Variants in FBXO8 observed in about 807,000 individuals in gnomAD.
The protein encoded by FBXO8 is F-box only protein 8.
In FBXO8, 15 loss-of-function variants were observed where a neutral mutation model predicts 33.4. The ratio of observed to expected loss-of-function variants is 0.45; its 90% CI spans 0.30 to 0.69. FBXO8 has a LOEUF of 0.69. Among genes scored for constraint, FBXO8 ranks in the 30% least tolerant of loss-of-function variants. The probability of loss-of-function intolerance (pLI) is 0.08; values close to 1 mark genes in which losing one functional copy is unlikely to be tolerated. For synonymous variants in FBXO8, 132 were observed against 131.5 expected (o/e 1.00, Z -0.02); for missense variants, 274 against 380.3 (o/e 0.72, Z 2.32).
rs1736553913 is a variant in FBXO8 at position 174,261,261 on chromosome 4, C to T, written c.330-1436G>A. On this transcript the variant is annotated intron_variant, in intron 2 of 5. Coordinates refer to ENST00000393674, the MANE Select transcript of FBXO8 (RefSeq NM_012180.3). This position sits in a 1 kb window ranked among gnomAD's most constrained non-coding sequence, Gnocchi z 4.1. ...CAACATCAATGAGTATTCAATACAT[C>T]CAAAGTTGAAATTAAAACTAAGCCA... is the stretch of plus-strand genomic sequence containing the variant. Among the ~76,000 whole-genome samples, 1 of 151,708 alleles carries T rather than the reference C, an allele frequency of 6.6e-6. No homozygotes were observed. Among genetic ancestry groups the T allele is most frequent in the Non-Finnish European group, 1.5e-5 (1 of 67,808 alleles).
intron 3 of FBXO8, among the ~76,000 whole-genome samples, chr4:174,244,356 T>C (rs1736112098): frequency 6.6e-6 from 1 of 151,740 alleles, no homozygotes; most frequent in African/African-American, 2.4e-5. Context: ...GGAATGCTTG[T>C]AACTTTAGTT....
In FBXO8 at chr4:174,281,233, G is replaced by C. The variant is rs991748965; in HGVS notation, c.-9+2177C>G. Among the ~76,000 whole-genome samples the C allele has an allele frequency of 7.9e-5, 12 of 151,878 alleles. No individual in the cohort carries two copies. The highest frequency in any genetic ancestry group is 2.9e-4 in the African/African-American group (12 of 41,302). ...CTTCCACAAATCACTACTCCATATA[G>C]AGTCTCTCCAAGCTTGGCTTACTTG... On this transcript the variant is annotated intron_variant, in intron 1 of 5. Transcript: ENST00000393674. This position sits in a 1 kb window ranked among gnomAD's most constrained non-coding sequence, Gnocchi z 4.6.
Position 174,262,928 on chromosome 4 carries a change from A to G in FBXO8, c.165T>C (p.His55=), listed in dbSNP as rs140770819. 1.1e-4 allele frequency: 172 copies of G among 1,614,044 alleles called. No individual in the cohort carries two copies. In the African/African-American group the frequency reaches 1.9e-3, roughly 18 times the overall value. The part of the protein sequence containing the change: ...KQVQGGIDIY[H]LLKARKSKEQ... ...CTTTCGATTTCCTTGCCTTCAAAAG[A>G]TGATATATGTCAATGCCTCCTTGGA... The change falls in exon 2 of 6, where the codon CAT becomes CAC. Residue 55 remains histidine (H), a synonymous_variant. Transcript: ENST00000393674. This position sits in a 1 kb window ranked among gnomAD's most constrained non-coding sequence, Gnocchi z 4.6.
chr4:174,254,237 T>C lies in FBXO8; in HGVS notation c.456+5462A>G, dbSNP rs562621202. On this transcript the variant is annotated intron_variant, in intron 3 of 5. Transcript: ENST00000393674. The surrounding 1 kb of genome is among the most constrained non-coding windows in gnomAD (Gnocchi z 4.2). The stretch of plus-strand genomic sequence containing the variant: ...CAAGAATTAGAATTTCGAGTTTATC[T>C]TTCTCTTTCTTTATGCTATCTGGCA... Among the ~76,000 whole-genome samples the C allele has an allele frequency of 2.6e-5, 4 of 152,332 alleles. No individual in the cohort carries two copies. Among genetic ancestry groups the C allele is most frequent in the Admixed American group, 6.5e-5 (1 of 15,302 alleles).
chr4:174,250,020 A>G (rs1736251622), intron 3 of FBXO8, among the ~76,000 whole-genome samples: 1 of 151,984 alleles, frequency 6.6e-6, no homozygotes, highest in African/African-American at 2.4e-5. Context: ...GGTTCTTGGT[A>G]TTTTAAGTTG....
In FBXO8 at chr4:174,283,598, G is replaced by C; in HGVS notation, c.-197C>G. 3.2e-6 allele frequency: 1 copy of C among 310,384 alleles called. No individual in the cohort carries two copies. Among genetic ancestry groups the C allele is most frequent in the South Asian group, 1.6e-4 (1 of 6,258 alleles). The allele number at this position is 310,384 out of a possible 1,614,324, so 19.2% of individuals were successfully genotyped here. On this transcript the variant is annotated 5_prime_UTR_variant, in exon 1 of 6. Transcript: ENST00000393674. The surrounding 1 kb of genome is among the most constrained non-coding windows in gnomAD (Gnocchi z 6.7). ...ACCAGAAACAGCACTACGACCCTCA[G>C]AACTCAGGGTACCTCCAGCTGCAGG...
At position 174,239,121 on chromosome 4, in the gene FBXO8, T is replaced by C; in HGVS notation, c.645A>G (p.Arg215=). ...GGGCATGGATATGACGAAAAAATTC[T>C]CTCAGTGCATTTGGCAAGAACTGAT... The part of the protein sequence containing the change: ...FRNQFLPNAL[R]EFFRHIHAPE... Residue 215 remains arginine, a synonymous_variant, in exon 5 of 6, where the codon AGA becomes AGG. Coordinates refer to ENST00000393674, the MANE Select transcript of FBXO8 (RefSeq NM_012180.3). The C allele has an allele frequency of 6.2e-7, 1 of 1,604,550 alleles. No individual in the cohort carries two copies. The highest frequency in any genetic ancestry group is 1.1e-5 in the South Asian group (1 of 89,738).
chr4:174,254,155 A>G lies in FBXO8; in HGVS notation c.456+5544T>C, dbSNP rs77416267. On this transcript the variant is annotated intron_variant, in intron 3 of 5. Coordinates refer to ENST00000393674, the MANE Select transcript of FBXO8 (RefSeq NM_012180.3). This position sits in a 1 kb window ranked among gnomAD's most constrained non-coding sequence, Gnocchi z 4.2. ...TGGAACATGCTGAGTCGAGCAGCAT[A>G]ATGAAGGGTGCTGAGAACTCAATTC... 9.9e-3 allele frequency among the ~76,000 whole-genome samples: 1,506 copies of G among 152,332 alleles called. 19 individuals are homozygous for G. The highest frequency in any genetic ancestry group is 0.024 in the Middle Eastern group (7 of 294).
chr4:174,283,213 C>T lies in FBXO8; in HGVS notation c.-9+197G>A, dbSNP rs1342170475. 2.6e-5 allele frequency among the ~76,000 whole-genome samples: 4 copies of T among 152,220 alleles called. No individual in the cohort carries two copies. The highest frequency in any genetic ancestry group is 1.3e-4 in the Admixed American group (2 of 15,282). On this transcript the variant is annotated intron_variant, in intron 1 of 5. Transcript: ENST00000393674. This position sits in a 1 kb window ranked among gnomAD's most constrained non-coding sequence, Gnocchi z 6.7. ...GAAGGAACACACCCAGTTCCGCCTC[C>T]TGACAGTGATTCCTCACTTTAATGA...
intron 1 of FBXO8, among the ~76,000 whole-genome samples, chr4:174,279,702 T>C (rs1026085202): frequency 6.6e-6 from 1 of 152,050 alleles, no homozygotes; most frequent in Non-Finnish European, 1.5e-5. Flanking sequence ...CCATCACATA[T>C]ATGGTCAAAA....
chr4:174,273,277 ACT>A (rs1161548135), intron 1 of FBXO8, among the ~76,000 whole-genome samples: 1 of 146,060 alleles, frequency 6.8e-6, no homozygotes, highest in East Asian at 1.9e-4. Context: ...ACGGAGCAAA[ACT>A]CTGTTCCTAA....
At chr4:174,246,040 T>C (rs1197800915) in intron 3 of FBXO8, among the ~76,000 whole-genome samples, 12 of 152,082 alleles carry the variant, frequency 7.9e-5, no homozygotes, top group African/African-American at 2.9e-4. Flanking sequence ...TAATAGGATA[T>C]ATTTTAAAAG....
At position 174,265,445 on chromosome 4, in the gene FBXO8, C is replaced by T. The variant is rs758541293; in HGVS notation, c.-8-2345G>A. Among the ~76,000 whole-genome samples the T allele has an allele frequency of 2.0e-5, 3 of 152,042 alleles. No individual in the cohort carries two copies. The highest frequency in any genetic ancestry group is 7.2e-5 in the African/African-American group (3 of 41,408). ...AATTTTCAAATCCTGTAAGCAACTA[C>T]GATGTACTTCATTATGCGAATGTAT... On this transcript the variant is annotated intron_variant, in intron 1 of 5. Coordinates refer to ENST00000393674, the MANE Select transcript of FBXO8 (RefSeq NM_012180.3). The surrounding 1 kb of genome is among the most constrained non-coding windows in gnomAD (Gnocchi z 4.7).
In FBXO8 at chr4:174,236,684, T is replaced by G. The variant is rs1171297983; in HGVS notation, c.*728A>C. On this transcript the variant is annotated 3_prime_UTR_variant, in exon 6 of 6. Transcript: ENST00000393674. ...TTACCAGAGTTCTAATAATATTTTA[T>G]TTTATTCCTATGAATGTAAATCATA... 2.0e-5 allele frequency: 3 copies of G among 152,188 alleles called. No homozygotes were observed. The highest frequency in any genetic ancestry group is 4.4e-5 in the Non-Finnish European group (3 of 68,026). The allele number at this position is 152,188 out of a possible 1,614,324, so 9.4% of individuals were successfully genotyped here.
chr4:174,240,864 T>C (rs572073960), intron 4 of FBXO8, among the ~76,000 whole-genome samples: 2 of 151,842 alleles, frequency 1.3e-5, no homozygotes, highest in African/African-American at 4.8e-5. Context: ...ACAAAGACGT[T>C]GGGCTTCCAT....
In FBXO8 at chr4:174,257,337, T is replaced by C. The variant is rs1289969576; in HGVS notation, c.456+2362A>G. Reference sequence around the variant, plus strand: ...ATTCCTTTAGCAAGGAAAGACTACTTACCATAATCAATATCAGCAATTACA... The same window carrying C: ...ATTCCTTTAGCAAGGAAAGACTACTCACCATAATCAATATCAGCAATTACA... On this transcript the variant is annotated intron_variant, in intron 3 of 5. Transcript: ENST00000393674. This position sits in a 1 kb window ranked among gnomAD's most constrained non-coding sequence, Gnocchi z 4.3. Among the ~76,000 whole-genome samples the C allele has an allele frequency of 3.3e-5, 5 of 152,172 alleles. No individual in the cohort carries two copies. Among genetic ancestry groups the C allele is most frequent in the African/African-American group, 7.2e-5 (3 of 41,458 alleles).
chr4:174,253,298 T>A lies in FBXO8; in HGVS notation c.456+6401A>T, dbSNP rs1736339128. ...CTCTTGAGTTCCACCTATATCCTTT[T>A]CTTTTGCCACACTGTGTAGTAGTAT... On this transcript the variant is annotated intron_variant, in intron 3 of 5. Coordinates refer to ENST00000393674, the MANE Select transcript of FBXO8 (RefSeq NM_012180.3). The surrounding 1 kb of genome is among the most constrained non-coding windows in gnomAD (Gnocchi z 4.5). Among the ~76,000 whole-genome samples, 1 of 152,204 alleles carries A rather than the reference T, an allele frequency of 6.6e-6. No homozygotes were observed. Among genetic ancestry groups the A allele is most frequent in the Non-Finnish European group, 1.5e-5 (1 of 68,032 alleles).
chr4:174,280,945 A>T (rs1737071771), intron 1 of FBXO8, among the ~76,000 whole-genome samples: 1 of 152,184 alleles, frequency 6.6e-6, no homozygotes, highest in Admixed American at 6.5e-5. Context: ...ATGAAGATAG[A>T]TGGTGTTGAT....
Position 174,237,533 on chromosome 4 carries a change from T to C in FBXO8, c.839A>G (p.Lys280Arg). ...LSIDLTSPHVKNKMSKREFIR... is the reference protein window; with the variant it reads ...LSIDLTSPHVRNKMSKREFIR... The stretch of plus-strand genomic sequence containing the variant: ...AAATTCCCTTTTTGACATTTTATTC[T>C]TCACATGAGGGCTAGTGAGGTCAAT... The change falls in exon 6 of 6, where the codon AAG (lysine) becomes AGG (arginine). Residue 280 changes from lysine to arginine, a missense_variant. By Grantham distance (26) the Lys-to-Arg change is conservative (BLOSUM62 2). Coordinates refer to ENST00000393674, the MANE Select transcript of FBXO8 (RefSeq NM_012180.3). The surrounding 1 kb of genome is among the most constrained non-coding windows in gnomAD (Gnocchi z 4.4). 6.2e-7 allele frequency: 1 copy of C among 1,613,746 alleles called. No homozygotes were observed. Among genetic ancestry groups the C allele is most frequent in the Non-Finnish European group, 8.5e-7 (1 of 1,179,680 alleles).
Sources: allele counts gnomAD v4.1 joint callset (sites outside exome capture counted in the v4.1 genomes callset), GRCh38; gene constraint gnomAD v4.1.1; non-coding constraint Gnocchi (gnomAD v3.1); transcripts MANE v1.5; gene names NCBI Gene and HGNC (gene_info 2026-07-23, HGNC 2026-07-21).